Variants in ZNF253 observed in about 807,000 individuals in gnomAD.
ZNF253 encodes zinc finger protein 253.
Under a neutral mutation model 11.9 loss-of-function variants are expected in ZNF253, and 8 were observed. The observed-to-expected ratio is 0.67, with a 90% confidence interval of 0.40 to 1.22. The LOEUF is 1.22. Ranked by LOEUF, ZNF253 falls within the 50% of genes most tolerant of loss-of-function variation. ZNF253 has a pLI of 0.01. For missense variants in ZNF253, 485 were observed against 586.9 expected (o/e 0.83, Z 1.79); for synonymous variants, 194 against 194.9 (o/e 1.00, Z 0.04).
intron 2 of ZNF253, 46 bp downstream of exon 2, chr19:19,878,653 T>C (rs1278150578): frequency 6.4e-7 from 1 of 1,554,826 alleles, no homozygotes; most frequent in Admixed American, 2.0e-5. Context: ...CCTGAAGATT[T>C]TATTTCTCTT....
chr19:19,892,599 C>G lies in ZNF253; in HGVS notation c.1352C>G (p.Pro451Arg), dbSNP rs1246756837. Residue 451 changes from proline to arginine, a missense_variant, in exon 4 of 4, where the codon CCT becomes CGT. By Grantham distance (103) the Pro-to-Arg change is moderately radical. Around this residue, in one of 3 missense-constraint regions of ZNF253, gnomAD observed 232 missense variants for 321.4 expected, o/e 0.72. Transcript: ENST00000589717. The stretch of plus-strand genomic sequence containing the variant: ...AAGAGAATTCATACTGGAGAGAAAC[C>G]TTACAAATGTGAAGAATGTGGCAAA... The part of the protein sequence containing the change: ...THKRIHTGEK[P>R]YKCEECGKAF... 1.2e-6 allele frequency: 2 copies of G among 1,613,988 alleles called. No homozygotes were observed.
intron 3 of ZNF253, among the ~76,000 whole-genome samples, chr19:19,889,291 C>T (rs1374359204): frequency 6.6e-6 from 1 of 150,820 alleles, no homozygotes; most frequent in African/African-American, 2.4e-5. Context: ...CTTCAGTAGT[C>T]GTCTGTGTTC....
intron 1 of ZNF253, among the ~76,000 whole-genome samples, chr19:19,867,215 T>C (rs1338167257): frequency 1.3e-5 from 2 of 152,124 alleles, no homozygotes; most frequent in Non-Finnish European, 2.9e-5. Context: ...ATGGCGAATG[T>C]CTGGTTTTCT....
chr19:19,891,667 G>A lies in ZNF253; in HGVS notation c.420G>A (p.Gln140=), dbSNP rs2063230581. 7 of 1,614,080 alleles carry A rather than the reference G, an allele frequency of 4.3e-6. No homozygotes were observed. In the East Asian group the frequency reaches 8.9e-5, roughly 21 times the overall value. ...TTAACCAATGTTTGACAACTACCCA[G>A]AAAGAAATATTTCAATGTGATAAAT... ...NGLNQCLTTT[Q]KEIFQCDKYG... Residue 140 remains glutamine (Q), a synonymous_variant, in exon 4 of 4, where the codon CAG becomes CAA. Transcript: ENST00000589717.
Position 19,885,302 on chromosome 19 carries a change from C to CT in ZNF253, c.226+5159dup, listed in dbSNP as rs1342263118. On this transcript the variant is annotated intron_variant, in intron 3 of 3. Coordinates refer to ENST00000589717, the MANE Select transcript of ZNF253 (RefSeq NM_021047.3). ...TTCTTTCTTTCTTTCTCTTTCTTTT[C>CT]TTTCTTTCTTTCTTTCTTTCTTTCT... Among the ~76,000 whole-genome samples the CT allele has an allele frequency of 1.7e-3, 59 of 34,768 alleles. 4 individuals are homozygous for CT. Among genetic ancestry groups the CT allele is most frequent in the Admixed American group, 3.6e-3 (12 of 3,348 alleles). The allele number at this position is 34,768 out of a possible 152,430, so 22.8% of individuals were successfully genotyped here. A position where few individuals can be genotyped will look rare whatever the true frequency, so the allele number is the denominator to read the frequency against.
At position 19,891,619 on chromosome 19, in the gene ZNF253, G is replaced by A. The variant is rs2063230249; in HGVS notation, c.372G>A (p.Val124=). 5 of 1,614,132 alleles carry A rather than the reference G, an allele frequency of 3.1e-6. No individual in the cohort carries two copies. The highest frequency in any genetic ancestry group is 4.2e-6 in the Non-Finnish European group (5 of 1,180,018). ...GTAAAAGCGTGGGTGAGCATAAGGT[G>A]CACAAAGGAGGTTATAATGGACTTA... is the stretch of plus-strand genomic sequence containing the variant. ...KGCKSVGEHK[V]HKGGYNGLNQ... The change falls in exon 4 of 4, where the codon GTG becomes GTA. Residue 124 remains valine, a synonymous_variant. Transcript: ENST00000589717.
intron 1 of ZNF253, 52 bp downstream of exon 1, chr19:19,866,051 TG>T (rs1383533339): frequency 6.2e-7 from 1 of 1,612,886 alleles, no homozygotes; most frequent in Admixed American, 1.7e-5. Flanking sequence ...TTTGGAACGG[TG>T]GGAAGTGGCT....
intron 3 of ZNF253, among the ~76,000 whole-genome samples, chr19:19,887,769 A>ATTTTTTTTTTTTTTTTTTT (rs3062903): frequency 8.0e-6 from 1 of 124,398 alleles, no homozygotes; most frequent in Non-Finnish European, 1.7e-5. Flanking sequence ...TTGATTTTTA[A>ATTTTTTTTTTTTTTTTTTT]TTTTTTTTTT....
At chr19:19,881,858 CTA>C (rs1166084214) in intron 3 of ZNF253, among the ~76,000 whole-genome samples, 1 of 151,276 alleles carries the variant, frequency 6.6e-6, no homozygotes, top group Non-Finnish European at 1.5e-5. Context: ...ATTTCTTTGA[CTA>C]ATTCTTCTGC....
Position 19,865,936 on chromosome 19 carries a change from G to T in ZNF253, c.-61G>T, listed in dbSNP as rs186403351. 6.2e-7 allele frequency: 1 copy of T among 1,610,330 alleles called. No homozygotes were observed. The highest frequency in any genetic ancestry group is 8.5e-7 in the Non-Finnish European group (1 of 1,176,610). ...TTATAGAGGCCCGTCCTCTGTGGCC[G>T]TGTGACCTGCAAGTATTGGGAGAGC... On this transcript the variant is annotated 5_prime_UTR_variant, in exon 1 of 4. Transcript: ENST00000589717.
intron 3 of ZNF253, among the ~76,000 whole-genome samples, chr19:19,887,272 A>AT (rs1476397414): frequency 6.6e-6 from 1 of 151,218 alleles, no homozygotes; most frequent in African/African-American, 2.4e-5. Context: ...CAGGCATTCT[A>AT]TTTTTTTATA....
intron 3 of ZNF253, among the ~76,000 whole-genome samples, chr19:19,890,401 C>T (rs569438841): frequency 1.8e-4 from 27 of 151,900 alleles, no homozygotes; most frequent in Admixed American, 3.9e-4. Context: ...AGACATTAGC[C>T]GGTGTCTAAA....
intron 1 of ZNF253, among the ~76,000 whole-genome samples, chr19:19,872,529 T>C (rs957935123): frequency 7.7e-6 from 1 of 130,680 alleles, no homozygotes; most frequent in Non-Finnish European, 1.5e-5. Context: ...TAGTGCCACA[T>C]TGGACACTAT....
In ZNF253 at chr19:19,871,647, G is replaced by A. The variant is rs924045308; in HGVS notation, c.3+5648G>A. Among the ~76,000 whole-genome samples, 11 of 152,160 alleles carry A rather than the reference G, an allele frequency of 7.2e-5. No homozygotes were observed. The South Asian group carries it at 2.3e-3, about 32-fold the overall frequency. On this transcript the variant is annotated intron_variant, in intron 1 of 3. Transcript: ENST00000589717. ...ACACAGATGGCCTCTTCAATCTCCA[G>A]GTGAATTTAGGATGAACTATGTATG...
At chr19:19,873,404 T>A (rs1415301375) in intron 1 of ZNF253, among the ~76,000 whole-genome samples, 2 of 152,302 alleles carry the variant, frequency 1.3e-5, no homozygotes, top group Non-Finnish European at 2.9e-5. Flanking sequence ...TGGCTTATCA[T>A]TGGGCCATCA....
Position 19,892,699 on chromosome 19 carries a change from T to C in ZNF253, c.1452T>C (p.Asn484=), listed in dbSNP as rs758413377. 1.2e-6 allele frequency: 2 copies of C among 1,605,222 alleles called. No homozygotes were observed. Among genetic ancestry groups the C allele is most frequent in the Non-Finnish European group, 1.7e-6 (2 of 1,176,896 alleles). The stretch of plus-strand genomic sequence containing the variant: ...AACGAAAACCCTACATAGTGAAGAA[T>C]GTGACAGATCTTTTAAATGTTCCTC... ...HIERKPYIVK[N]VTDLLNVPPL... Residue 484 remains asparagine (N), a synonymous_variant, in exon 4 of 4, where the codon AAT becomes AAC. Coordinates refer to ENST00000589717, the MANE Select transcript of ZNF253 (RefSeq NM_021047.3).
intron 1 of ZNF253, among the ~76,000 whole-genome samples, chr19:19,875,186 C>G (rs1291462781): frequency 2.6e-5 from 4 of 152,112 alleles, no homozygotes; most frequent in Admixed American, 2.0e-4. Context: ...TTAGAATTTA[C>G]TGAAACTCAA....
chr19:19,875,902 G>C (rs1257223608), intron 1 of ZNF253, among the ~76,000 whole-genome samples: 1 of 152,190 alleles, frequency 6.6e-6, no homozygotes, highest in East Asian at 1.9e-4. Context: ...GCCCAGCACA[G>C]TGCTCTGTAT....
chr19:19,866,931 C>T (rs1379787014), intron 1 of ZNF253, among the ~76,000 whole-genome samples: 1 of 151,790 alleles, frequency 6.6e-6, no homozygotes, highest in Non-Finnish European at 1.5e-5. Context: ...GAGCGGGTGT[C>T]TAGGTACAAA....
Sources: allele counts gnomAD v4.1 joint callset (sites outside exome capture counted in the v4.1 genomes callset), GRCh38; gene constraint gnomAD v4.1.1; regional missense constraint gnomAD v4.1.1; transcripts MANE v1.5; gene names NCBI Gene and HGNC (gene_info 2026-07-23, HGNC 2026-07-21).